Variants in AFF2 observed in about 807,000 individuals in gnomAD.
AFF2 encodes AF4/FMR2 family member 2.
Under a neutral mutation model 76.9 loss-of-function variants are expected in AFF2, and 14 were observed. The ratio of observed to expected loss-of-function variants is 0.18; its 90% CI spans 0.12 to 0.28. The LOEUF (loss-of-function observed/expected upper bound fraction) is 0.28, where lower values mean the gene tolerates loss of function less well. AFF2 is among the 10% of genes least tolerant of loss of function. AFF2 has a pLI of 1.00. For missense variants in AFF2, 868 were observed against 1,001.1 expected, an observed-to-expected ratio of 0.87 and a Z score of 1.79; for synonymous variants, 398 against 366.7, an observed-to-expected ratio of 1.09 and a Z score of -0.98.
rs570294802 is a variant in AFF2 at position 148,970,285 on chromosome X, G to C, written c.3267+2593G>C. Among the ~76,000 whole-genome samples, 4 of 111,983 alleles carry C rather than the reference G, an allele frequency of 3.6e-5. No individual in the cohort carries two copies. The South Asian group carries it at 1.5e-3, about 42-fold the overall frequency. On this transcript the variant is annotated intron_variant, in intron 15 of 20. Transcript: ENST00000370460. ...AGCTGGAGAACATTTATTGTAAAAAGTCATTTACAATAAAAGATTCTGCAG... is the reference window on the plus strand; with the variant it reads ...AGCTGGAGAACATTTATTGTAAAAACTCATTTACAATAAAAGATTCTGCAG...
At chrX:148,540,231 G>A (rs1438765482) in intron 1 of AFF2, among the ~76,000 whole-genome samples, 3 of 111,166 alleles carry the variant, frequency 2.7e-5, no homozygotes, top group South Asian at 7.6e-4. Context: ...GGTCCAGCTG[G>A]TTCATATTTA....
chrX:148,589,417 C>A (rs1237724238), intron 1 of AFF2, among the ~76,000 whole-genome samples: 4 of 112,329 alleles, frequency 3.6e-5, no homozygotes, highest in African/African-American at 1.3e-4. Flanking sequence ...GACTATGCTT[C>A]TTTTACATTT....
rs782661459 is a variant in AFF2 at position 148,885,893 on chromosome X, C to T, written c.1267C>T (p.Leu423Phe). ...ACCACTCTGATCTCTTTGTAGGATG[C>T]TTGAGGATGACCTGAAGCTGAGCAG... ...STKSVSFKSM[L>F]EDDLKLSSDE... Residue 423 changes from leucine (L) to phenylalanine (F), a missense_variant, in exon 8 of 21, where the codon CTT (leucine) becomes TTT (phenylalanine). Physicochemically the swap from Leu to Phe is conservative, Grantham distance 22. Around this residue, in one of 6 missense-constraint regions of AFF2, gnomAD observed 532 missense variants for 564.2 expected, o/e 0.94. Coordinates refer to ENST00000370460, the MANE Select transcript of AFF2 (RefSeq NM_002025.4). 2 of 1,206,389 alleles carry T rather than the reference C, an allele frequency of 1.7e-6. No individual in the cohort carries two copies. Among genetic ancestry groups the T allele is most frequent in the African/African-American group, 1.8e-5 (1 of 56,879 alleles).
intron 1 of AFF2, among the ~76,000 whole-genome samples, chrX:148,598,660 A>G (rs782574586): frequency 8.9e-6 from 1 of 112,160 alleles, no homozygotes; most frequent in African/African-American, 3.2e-5. Context: ...ATAAACAGAT[A>G]AAAACCTACT....
At chrX:148,603,191 T>A (rs1452856360) in intron 1 of AFF2, among the ~76,000 whole-genome samples, 1 of 111,126 alleles carries the variant, frequency 9.0e-6, no homozygotes, top group African/African-American at 3.3e-5. Context: ...AGACAGACAG[T>A]GCCAAATGTG....
chrX:148,585,361 A>G (rs1223401352), intron 1 of AFF2, among the ~76,000 whole-genome samples: 1 of 112,142 alleles, frequency 8.9e-6, no homozygotes, highest in Non-Finnish European at 1.9e-5. Context: ...TGCTCTAAGC[A>G]TAAGTTACCC....
At position 148,933,497 on chromosome X, in the gene AFF2, A is replaced by G. The variant is rs782800415; in HGVS notation, c.1398-20083A>G. 4.5e-5 allele frequency among the ~76,000 whole-genome samples: 5 copies of G among 111,924 alleles called. No homozygotes were observed. In the South Asian group the frequency reaches 1.9e-3, roughly 42 times the overall value. On this transcript the variant is annotated intron_variant, in intron 9 of 20. Coordinates refer to ENST00000370460, the MANE Select transcript of AFF2 (RefSeq NM_002025.4). Reference sequence around the variant, plus strand: ...AGGGGTAGAAACAGAGAGAACAGTAAGGAAGCTATTACCATAAGCCAAATG... The same window carrying G: ...AGGGGTAGAAACAGAGAGAACAGTAGGGAAGCTATTACCATAAGCCAAATG...
At chrX:148,845,120 T>TACACAC (rs1463131629) in intron 7 of AFF2, among the ~76,000 whole-genome samples, 16 of 39,531 alleles carry the variant, frequency 4.0e-4, no homozygotes, top group African/African-American at 6.3e-4. Flanking sequence ...CACATACACA[T>TACACAC]ACACACACAC....
chrX:148,642,217 G>C (rs781790834), intron 1 of AFF2, among the ~76,000 whole-genome samples: 9 of 112,196 alleles, frequency 8.0e-5, no homozygotes, highest in Non-Finnish European at 1.3e-4. Flanking sequence ...AAGCCTATAG[G>C]GGGTAGAATT....
At chrX:148,691,855 C>T (rs782110558) in intron 3 of AFF2, among the ~76,000 whole-genome samples, 8 of 111,739 alleles carry the variant, frequency 7.2e-5, no homozygotes, top group Non-Finnish European at 1.3e-4. Context: ...TGATTGAGAC[C>T]TTAAAATCCA....
At chrX:148,804,468 T>G (rs1485502173) in intron 3 of AFF2, among the ~76,000 whole-genome samples, 1 of 112,776 alleles carries the variant, frequency 8.9e-6, no homozygotes, top group Non-Finnish European at 1.9e-5. Context: ...AAGGGTCATT[T>G]CCTGTATTTG....
At chrX:148,561,784 C>T (rs1557240720) in intron 1 of AFF2, among the ~76,000 whole-genome samples, 1 of 111,132 alleles carries the variant, frequency 9.0e-6, no homozygotes, top group Non-Finnish European at 1.9e-5. Flanking sequence ...TTGAGGGCTA[C>T]ATTTTCTTAC....
At chrX:148,766,599 T>G (rs5936226) in intron 3 of AFF2, among the ~76,000 whole-genome samples, 4 of 95,225 alleles carry the variant, frequency 4.2e-5, no homozygotes, top group Non-Finnish European at 8.6e-5. Context: ...TAGATTCTGG[T>G]TATTAGCCCT....
intron 7 of AFF2, among the ~76,000 whole-genome samples, chrX:148,860,571 C>T (rs895670138): frequency 2.7e-5 from 3 of 111,827 alleles, no homozygotes; most frequent in Non-Finnish European, 3.8e-5. Context: ...TCTGTGCATC[C>T]AGAAACTATA....
chrX:148,865,196 G>T (rs1053988162), intron 7 of AFF2, among the ~76,000 whole-genome samples: 1 of 112,266 alleles, frequency 8.9e-6, no homozygotes. Context: ...TGTTTACTTT[G>T]AAGTGAAAGG....
At chrX:148,620,550 C>A (rs1389119178) in intron 1 of AFF2, among the ~76,000 whole-genome samples, 2 of 109,845 alleles carry the variant, frequency 1.8e-5, no homozygotes, top group African/African-American at 3.3e-5. Context: ...TATTGTTCTT[C>A]TAGTGATTTT....
At chrX:148,670,369 T>C (rs973740502) in intron 3 of AFF2, among the ~76,000 whole-genome samples, 1 of 111,055 alleles carries the variant, frequency 9.0e-6, no homozygotes, top group African/African-American at 3.3e-5. Context: ...TAATATTGGG[T>C]GGTATTAGAG....
intron 9 of AFF2, among the ~76,000 whole-genome samples, chrX:148,935,007 A>G (rs1173395057): frequency 9.2e-6 from 1 of 108,482 alleles, no homozygotes; most frequent in African/African-American, 3.3e-5. Flanking sequence ...GAAATAGAGC[A>G]TAATTTTTCA....
chrX:148,857,944 G>A (rs1394224125), intron 7 of AFF2, among the ~76,000 whole-genome samples: 1 of 111,439 alleles, frequency 9.0e-6, no homozygotes, highest in East Asian at 2.8e-4. Flanking sequence ...GATGAGATTA[G>A]GATGAGAAGA....
Sources: allele counts gnomAD v4.1 joint callset (sites outside exome capture counted in the v4.1 genomes callset), GRCh38; gene constraint gnomAD v4.1.1; regional missense constraint gnomAD v4.1.1; transcripts MANE v1.5; gene names NCBI Gene and HGNC (gene_info 2026-07-23, HGNC 2026-07-21).